Variants in CNTNAP4 observed in about 807,000 individuals in gnomAD.
CNTNAP4 encodes the protein contactin-associated protein-like 4.
CNTNAP4 carries 98 observed loss-of-function variants against 148.4 expected under a neutral mutation model. That is an observed-to-expected ratio of 0.66 (90% CI 0.56 to 0.78). The LOEUF (loss-of-function observed/expected upper bound fraction) is 0.78, where lower values mean the gene tolerates loss of function less well. Ranked by LOEUF, CNTNAP4 falls within the 30% of genes least tolerant of loss-of-function variation. CNTNAP4 has a pLI of 0.00. For missense variants in CNTNAP4, 1,935 were observed against 1,565.6 expected, an observed-to-expected ratio of 1.24 and a Z score of -3.98; for synonymous variants, 730 against 565.1, an observed-to-expected ratio of 1.29 and a Z score of -4.14.
At chr16:76,405,563 G>A (rs2144875208) in intron 3 of CNTNAP4, among the ~76,000 whole-genome samples, 1 of 151,726 alleles carries the variant, frequency 6.6e-6, no homozygotes, top group African/African-American at 2.4e-5. Context: ...AAAACTGTAA[G>A]AAAATCATAA....
chr16:76,499,946 T>C (rs2082561435), intron 15 of CNTNAP4, among the ~76,000 whole-genome samples: 1 of 152,140 alleles, frequency 6.6e-6, no homozygotes, highest in African/African-American at 2.4e-5. Context: ...TGGAGTCTCC[T>C]ATGTCTACTT....
intron 2 of CNTNAP4, among the ~76,000 whole-genome samples, chr16:76,340,782 T>C (rs1458244326): frequency 6.6e-6 from 1 of 152,200 alleles, no homozygotes; most frequent in Non-Finnish European, 1.5e-5. Flanking sequence ...CTCCTAACTC[T>C]GATTAATACA....
At chr16:76,535,917 G>A in intron 18 of CNTNAP4, 133 bp downstream of exon 18, 1 of 865,552 alleles carries the variant, frequency 1.2e-6, no homozygotes, top group Non-Finnish European at 1.7e-6. Context: ...AGTATCTGTT[G>A]AATGTAAAGA....
rs537375363 is a variant in CNTNAP4 at position 76,535,974 on chromosome 16, T to G, written c.2995+190T>G. Among the ~76,000 whole-genome samples the G allele has an allele frequency of 7.9e-5, 12 of 152,334 alleles. No homozygotes were observed. In the South Asian group the frequency reaches 2.3e-3, roughly 29 times the overall value. On this transcript the variant is annotated intron_variant, in intron 18 of 23. Transcript: ENST00000611870. ...TGAGACAGCATCATATATTCAAAGA[T>G]GGAGCGCATCATATTTCATTACTTA...
At chr16:76,462,636 C>T (rs934680993) in intron 9 of CNTNAP4, among the ~76,000 whole-genome samples, 2 of 152,172 alleles carry the variant, frequency 1.3e-5, no homozygotes, top group African/African-American at 4.8e-5. Flanking sequence ...ACCAGCTCAT[C>T]TCCCTTAGAG....
intron 2 of CNTNAP4, among the ~76,000 whole-genome samples, chr16:76,328,655 T>G (rs1253538966): frequency 1.3e-5 from 2 of 152,198 alleles, no homozygotes; most frequent in South Asian, 2.1e-4. Context: ...AGGTGTGTTT[T>G]TTTTTTTGAG....
intron 4 of CNTNAP4, among the ~76,000 whole-genome samples, chr16:76,428,285 A>G (rs1053981295): frequency 3.3e-4 from 50 of 152,156 alleles, no homozygotes; most frequent in African/African-American, 9.2e-4. Flanking sequence ...TTATTATAGA[A>G]CAGTGGGTTA....
intron 3 of CNTNAP4, among the ~76,000 whole-genome samples, chr16:76,361,631 A>G (rs936224514): frequency 2.0e-5 from 3 of 152,172 alleles, no homozygotes; most frequent in Non-Finnish European, 2.9e-5. Flanking sequence ...GAGGGTGCAG[A>G]TGTCTCTTTG....
intron 9 of CNTNAP4, among the ~76,000 whole-genome samples, chr16:76,463,404 A>T (rs1247328258): frequency 6.6e-6 from 1 of 152,218 alleles, no homozygotes; most frequent in East Asian, 1.9e-4. Flanking sequence ...CAGGTTTAAC[A>T]ATGCCTAGCT....
chr16:76,504,755 C>T (rs143459848), intron 15 of CNTNAP4, among the ~76,000 whole-genome samples: 61 of 152,148 alleles, frequency 4.0e-4, no homozygotes, highest in African/African-American at 1.3e-3. Context: ...GTAACTCTCT[C>T]GTGGTGCAAT....
At chr16:76,479,643 T>A in intron 12 of CNTNAP4, 105 bp downstream of exon 12, 1 of 1,115,120 alleles carries the variant, frequency 9.0e-7, no homozygotes, top group Non-Finnish European at 1.3e-6. Flanking sequence ...GCAACTTGAT[T>A]AAAATATGTA....
chr16:76,381,927 T>C (rs546288113), intron 3 of CNTNAP4, among the ~76,000 whole-genome samples: 155 of 151,626 alleles, frequency 1.0e-3, no homozygotes, highest in African/African-American at 3.6e-3. Context: ...GGCGTGGTGG[T>C]GGGTGCCTGT....
chr16:76,366,289 C>T (rs1283586312), intron 3 of CNTNAP4, among the ~76,000 whole-genome samples: 1 of 152,090 alleles, frequency 6.6e-6, no homozygotes, highest in African/African-American at 2.4e-5. Context: ...TTCCCACCCT[C>T]CATTCTCAAG....
chr16:76,358,094 G>A (rs2012922897), intron 3 of CNTNAP4, among the ~76,000 whole-genome samples: 1 of 152,218 alleles, frequency 6.6e-6, no homozygotes, highest in African/African-American at 2.4e-5. Flanking sequence ...AGGGCTTTGG[G>A]AGGCCAAGGT....
chr16:76,509,407 G>A lies in CNTNAP4; in HGVS notation c.2365+10713G>A, dbSNP rs2082935659. ...CCCTAGGTGGAGAATCACCACTTTAGACAAAATAATTTTAAAAAGAGGTTG... is the reference window on the plus strand; with the variant it reads ...CCCTAGGTGGAGAATCACCACTTTAAACAAAATAATTTTAAAAAGAGGTTG... On this transcript the variant is annotated intron_variant, in intron 15 of 23. Transcript: ENST00000611870. Among the ~76,000 whole-genome samples, 3 of 96,946 alleles carry A rather than the reference G, an allele frequency of 3.1e-5. 1 individual carries two copies. Among genetic ancestry groups the A allele is most frequent in the Admixed American group, 2.0e-4 (2 of 9,982 alleles). 63.6% of individuals were successfully genotyped at this position (96,946 alleles called of 152,430 possible).
At chr16:76,291,578 C>A (rs908960499) in intron 1 of CNTNAP4, among the ~76,000 whole-genome samples, 2 of 152,180 alleles carry the variant, frequency 1.3e-5, no homozygotes, top group African/African-American at 4.8e-5. Flanking sequence ...GTGTGTTTCT[C>A]ATATCCCCTT....
intron 1 of CNTNAP4, 74 bp downstream of exon 1, chr16:76,277,821 T>G: frequency 1.1e-6 from 1 of 947,242 alleles, no homozygotes; most frequent in Non-Finnish European, 1.7e-6. Context: ...GGTTTGATGA[T>G]GATTATTTGC....
In CNTNAP4 at chr16:76,335,909, C is replaced by G. The variant is rs76700510; in HGVS notation, c.196+19386C>G. On this transcript the variant is annotated intron_variant, in intron 2 of 23. Transcript: ENST00000611870. ...AGTACATCCTTAACCTGAAACAGAC[C>G]AACACAGAGCAGAATGGAAGCTGCT... Among the ~76,000 whole-genome samples the G allele has an allele frequency of 5.0e-3, 762 of 152,136 alleles. 3 individuals are homozygous for G. Among genetic ancestry groups the G allele is most frequent in the Admixed American group, 8.2e-3 (125 of 15,290 alleles).
At chr16:76,473,178 A>G (rs2081434488) in intron 10 of CNTNAP4, among the ~76,000 whole-genome samples, 1 of 152,222 alleles carries the variant, frequency 6.6e-6, no homozygotes. Flanking sequence ...ATCTATAAAA[A>G]AGCTAAATAT....
Sources: allele counts gnomAD v4.1 joint callset (sites outside exome capture counted in the v4.1 genomes callset), GRCh38; gene constraint gnomAD v4.1.1; transcripts MANE v1.5; gene names NCBI Gene and HGNC (gene_info 2026-07-23, HGNC 2026-07-21).